The following SKI variants were observed in gnomAD, a reference collection of about 807,000 sequenced individuals.
The protein encoded by SKI is ski oncogene.
SKI carries 23 observed loss-of-function variants against 59.3 expected under a neutral mutation model. That is an observed-to-expected ratio of 0.39 (90% CI 0.28 to 0.55). The LOEUF is 0.55. SKI is among the 20% of genes least tolerant of loss of function. SKI has a pLI of 0.67. For missense variants in SKI, 1,017 were observed against 1,038.9 expected, an observed-to-expected ratio of 0.98 and a Z score of 0.29; for synonymous variants, 673 against 488.6, an observed-to-expected ratio of 1.38 and a Z score of -4.98.
At chr1:2,304,660 A>T in intron 5 of SKI, 75 bp downstream of exon 5, 7 of 1,474,144 alleles carry the variant, frequency 4.7e-6, no homozygotes, top group Non-Finnish European at 6.3e-6. Flanking sequence ...GAACGGGCAC[A>T]GGTGGTGCCT....
chr1:2,287,760 AGATG>A (rs1243211306), intron 1 of SKI, among the ~76,000 whole-genome samples: 4 of 152,066 alleles, frequency 2.6e-5, no homozygotes, highest in Non-Finnish European at 4.4e-5. Flanking sequence ...GGCAGCCGTG[AGATG>A]GATGGATTCC....
At chr1:2,254,756 C>T (rs1639237866) in intron 1 of SKI, among the ~76,000 whole-genome samples, 1 of 151,916 alleles carries the variant, frequency 6.6e-6, no homozygotes, top group African/African-American at 2.4e-5. Flanking sequence ...GTGTGATGCG[C>T]AGGGCATTTG....
At chr1:2,236,518 TGCCTCA>T (rs1638752535) in intron 1 of SKI, among the ~76,000 whole-genome samples, 1 of 152,166 alleles carries the variant, frequency 6.6e-6, no homozygotes, top group Non-Finnish European at 1.5e-5. Context: ...GCAATTCCCC[TGCCTCA>T]GCCTCCTGAG....
intron 1 of SKI, among the ~76,000 whole-genome samples, chr1:2,230,275 G>A (rs1026286027): frequency 3.3e-5 from 5 of 152,234 alleles, no homozygotes; most frequent in African/African-American, 1.2e-4. Flanking sequence ...CCCGCTCCCT[G>A]TTTGGTGCCT....
At chr1:2,230,110 GC>G (rs1257562953) in intron 1 of SKI, among the ~76,000 whole-genome samples, 3 of 152,214 alleles carry the variant, frequency 2.0e-5, no homozygotes, top group Non-Finnish European at 2.9e-5. Context: ...CTGGGCCACG[GC>G]CCGGATGCCT....
intron 1 of SKI, among the ~76,000 whole-genome samples, chr1:2,250,382 A>G (rs1454377055): frequency 6.6e-6 from 1 of 152,166 alleles, no homozygotes; most frequent in African/African-American, 2.4e-5. Flanking sequence ...ACTGCTGCCC[A>G]GGTATGCCAC....
chr1:2,307,599 C>G lies in SKI; in HGVS notation c.*834C>G, dbSNP rs565907906. ...CCCTCCGGGCACACGTGCCGCCTGACCGGGCGACCCTTTTCAGTTCGGCAA... is the reference window on the plus strand; with the variant it reads ...CCCTCCGGGCACACGTGCCGCCTGAGCGGGCGACCCTTTTCAGTTCGGCAA... On this transcript the variant is annotated 3_prime_UTR_variant, in exon 7 of 7. Coordinates refer to ENST00000378536, the MANE Select transcript of SKI (RefSeq NM_003036.4). The G allele has an allele frequency of 7.9e-5, 12 of 152,634 alleles. No homozygotes were observed. Among genetic ancestry groups the G allele is most frequent in the African/African-American group, 2.9e-4 (12 of 41,598 alleles). The allele number at this position is 152,634 out of a possible 1,614,324, so 9.5% of individuals were successfully genotyped here. A position where few individuals can be genotyped will look rare whatever the true frequency, so the allele number is the denominator to read the frequency against.
At chr1:2,287,756 C>T (rs111999842) in intron 1 of SKI, among the ~76,000 whole-genome samples, 20 of 152,210 alleles carry the variant, frequency 1.3e-4, no homozygotes, top group South Asian at 4.1e-4. Context: ...TTGTGGCAGC[C>T]GTGAGATGGA....
chr1:2,263,427 G>A (rs1421787703), intron 1 of SKI, among the ~76,000 whole-genome samples: 1 of 150,248 alleles, frequency 6.7e-6, no homozygotes, highest in Non-Finnish European at 1.5e-5. Context: ...TAATAGAGAC[G>A]GGGTTTCAGC....
chr1:2,231,945 T>C (rs1638648323), intron 1 of SKI, among the ~76,000 whole-genome samples: 1 of 152,116 alleles, frequency 6.6e-6, no homozygotes, highest in African/African-American at 2.4e-5. Flanking sequence ...GGCTTCAGGG[T>C]CCCCTTAAGT....
intron 1 of SKI, 101 bp from the exon 2 acceptor site, chr1:2,302,877 G>C: frequency 1.7e-5 from 26 of 1,498,168 alleles, no homozygotes; most frequent in Non-Finnish European, 2.2e-5. Flanking sequence ...TTTGTGGCCG[G>C]AGTGCATGGG....
chr1:2,267,467 A>G lies in SKI; in HGVS notation c.970-35511A>G, dbSNP rs1172360485. Among the ~76,000 whole-genome samples the G allele has an allele frequency of 1.3e-5, 2 of 152,178 alleles. No individual in the cohort carries two copies. The highest frequency in any genetic ancestry group is 3.9e-4 in the East Asian group (2 of 5,184). On this transcript the variant is annotated intron_variant, in intron 1 of 6. Transcript: ENST00000378536. The surrounding 1 kb of genome is among the most constrained non-coding windows in gnomAD (Gnocchi z 4.1). Reference sequence around the variant, plus strand: ...TCCTCTCGTGTGCTGTCGGGAGACAAACCTCTTCCTGCTTCAATATCCCAT... The same window carrying G: ...TCCTCTCGTGTGCTGTCGGGAGACAGACCTCTTCCTGCTTCAATATCCCAT...
chr1:2,254,609 A>G (rs1639234318), intron 1 of SKI, among the ~76,000 whole-genome samples: 1 of 152,090 alleles, frequency 6.6e-6, no homozygotes, highest in South Asian at 2.1e-4. Context: ...TTGTGCCTAG[A>G]CTTGTGGCCG....
intron 1 of SKI, among the ~76,000 whole-genome samples, chr1:2,284,698 C>T (rs1185550837): frequency 6.6e-6 from 1 of 152,178 alleles, no homozygotes; most frequent in Non-Finnish European, 1.5e-5. Context: ...GCCTATGAGC[C>T]CTCCCTGGCC....
At chr1:2,302,375 C>A (rs929673266) in intron 1 of SKI, among the ~76,000 whole-genome samples, 1 of 152,202 alleles carries the variant, frequency 6.6e-6, no homozygotes. Flanking sequence ...GAAAATGTTT[C>A]CTTCCCATGG....
Position 2,228,956 on chromosome 1 carries a change from G to A in SKI, c.190G>A (p.Val64Met), listed in dbSNP as rs754036418. The A allele has an allele frequency of 4.9e-5, 69 of 1,414,322 alleles. No individual in the cohort carries two copies. Among genetic ancestry groups the A allele is most frequent in the Non-Finnish European group, 6.0e-5 (65 of 1,087,138 alleles). 87.6% of individuals were successfully genotyped at this position (1,414,322 alleles called of 1,614,324 possible). ...GGGCGCGGCCGCGGTGCCGGCGCCG[G>A]TGCCCGCAGCCACCGAGCCGCCGCC... ...EAGAAAVPAP[V>M]PAATEPPPVL... Residue 64 changes from valine to methionine, a missense_variant, in exon 1 of 7, where the codon GTG becomes ATG. Transcript: ENST00000378536.
intron 1 of SKI, among the ~76,000 whole-genome samples, chr1:2,284,428 T>C (rs932179971): frequency 1.3e-5 from 2 of 152,178 alleles, no homozygotes; most frequent in Non-Finnish European, 2.9e-5. Context: ...AGTTATCTCA[T>C]GGAAACCTAA....
chr1:2,270,293 C>A lies in SKI; in HGVS notation c.970-32685C>A, dbSNP rs957570583. On this transcript the variant is annotated intron_variant, in intron 1 of 6. Coordinates refer to ENST00000378536, the MANE Select transcript of SKI (RefSeq NM_003036.4). The surrounding 1 kb of genome is among the most constrained non-coding windows in gnomAD (Gnocchi z 4.1). ...CGTGTTATCCTCCCTGCGGGCCTGG[C>A]ATGGGAGTAGGGGCTGAGAGATGCT... Among the ~76,000 whole-genome samples the A allele has an allele frequency of 2.6e-5, 4 of 152,198 alleles. No individual in the cohort carries two copies. The highest frequency in any genetic ancestry group is 9.6e-5 in the African/African-American group (4 of 41,452).
chr1:2,284,972 TG>T (rs1367253259), intron 1 of SKI, among the ~76,000 whole-genome samples: 1 of 152,208 alleles, frequency 6.6e-6, no homozygotes, highest in Non-Finnish European at 1.5e-5. Context: ...GGTTTTATTT[TG>T]TAAATTAACA....
Sources: allele counts gnomAD v4.1 joint callset (sites outside exome capture counted in the v4.1 genomes callset), GRCh38; gene constraint gnomAD v4.1.1; non-coding constraint Gnocchi (gnomAD v3.1); transcripts MANE v1.5; gene names NCBI Gene and HGNC (gene_info 2026-07-23, HGNC 2026-07-21).